The following SLC36A1 variants were observed in gnomAD, a reference collection of about 807,000 sequenced individuals.
SLC36A1 encodes the protein proton-coupled amino acid transporter 1.
SLC36A1 carries 30 observed loss-of-function variants against 47.5 expected under a neutral mutation model. The ratio of observed to expected loss-of-function variants is 0.63; its 90% CI spans 0.47 to 0.86. The LOEUF (loss-of-function observed/expected upper bound fraction) is 0.86. Ranked by LOEUF, SLC36A1 falls within the 40% of genes least tolerant of loss-of-function variation. The pLI is 0.00. For missense variants in SLC36A1, 517 were observed against 606.0 expected (o/e 0.85, Z 1.54); for synonymous variants, 255 against 249.7 (o/e 1.02, Z -0.20).
chr5:151,531,693 C>A, the SLC36A1 span: 1 of 1,613,876 alleles, frequency 6.2e-7, no homozygotes, highest in East Asian at 2.2e-5. The surrounding 1 kb of genome is among the most constrained non-coding windows in gnomAD (Gnocchi z 5.7). Flanking sequence ...GCAGCACCTC[C>A]GTGCCAGGTG....
At chr5:151,420,007 T>C in the SLC36A1 span, 1 of 152,224 alleles carries the variant, frequency 6.6e-6, no homozygotes, top group African/African-American at 2.4e-5. Context: ...AGCAGGATAC[T>C]TTGTTAGGTT....
At chr5:151,474,178 A>AAAAAAAAAAAAAAAAAAAAGAG (rs776318482) in intron 8 of SLC36A1, among the ~76,000 whole-genome samples, 11 of 119,016 alleles carry the variant, frequency 9.2e-5, no homozygotes, top group African/African-American at 4.0e-4. Flanking sequence ...AAAAAAAAAA[A>AAAAAAAAAAAAAAAAAAAAGAG]AGAAATTATC....
chr5:151,517,539 C>T, the SLC36A1 span: 2 of 1,544,832 alleles, frequency 1.3e-6, no homozygotes, highest in Non-Finnish European at 1.8e-6. Flanking sequence ...AAATGGGCTT[C>T]CTGACATTCC....
the SLC36A1 span, among the ~76,000 whole-genome samples, chr5:151,532,159 T>C: frequency 6.6e-6 from 1 of 152,164 alleles, no homozygotes; most frequent in Non-Finnish European, 1.5e-5. Flanking sequence ...ACCCAAGGCC[T>C]CACTAAAATG....
chr5:151,544,250 G>T, the SLC36A1 span: 3 of 1,614,174 alleles, frequency 1.9e-6, no homozygotes, highest in South Asian at 3.3e-5. Flanking sequence ...GCCAACAGTT[G>T]GATCACAGGG....
chr5:151,420,205 G>A, the SLC36A1 span, among the ~76,000 whole-genome samples: 1 of 152,142 alleles, frequency 6.6e-6, no homozygotes, highest in African/African-American at 2.4e-5. Context: ...GTATTGAATG[G>A]CTACTGAGTG....
chr5:151,521,340 G>A, the SLC36A1 span: 1 of 1,614,188 alleles, frequency 6.2e-7, no homozygotes, highest in Non-Finnish European at 8.5e-7. Flanking sequence ...TGGCGGTGCT[G>A]TACGTGGGCC....
At chr5:151,359,663 A>G in the SLC36A1 span, among the ~76,000 whole-genome samples, 2 of 152,182 alleles carry the variant, frequency 1.3e-5, no homozygotes, top group Non-Finnish European at 2.9e-5. Context: ...ATGCCACCCT[A>G]CCAGCCCTAG....
At chr5:151,442,632 ATCCTT>A (rs1752693562), upstream of SLC36A1, among the ~76,000 whole-genome samples, 1 of 152,002 alleles carries the variant, frequency 6.6e-6, no homozygotes, top group African/African-American at 2.4e-5. Context: ...ATCTCTCCCT[ATCCTT>A]TCCTTCCACC....
the SLC36A1 span, among the ~76,000 whole-genome samples, chr5:151,528,655 G>A: frequency 2.0e-5 from 3 of 152,162 alleles, no homozygotes; most frequent in African/African-American, 4.8e-5. Context: ...TGGAGCATAG[G>A]GTGCACCATA....
At chr5:151,552,110 C>T in the SLC36A1 span, among the ~76,000 whole-genome samples, 1 of 151,064 alleles carries the variant, frequency 6.6e-6, no homozygotes, top group Non-Finnish European at 1.5e-5. Flanking sequence ...TTCTTCTCTG[C>T]ATTCATTTGT....
chr5:151,476,531 T>C, intron 8 of SLC36A1, 59 bp from the exon 9 acceptor site: 2 of 1,308,594 alleles, frequency 1.5e-6, no homozygotes, highest in East Asian at 2.4e-5. Flanking sequence ...TTTTTTTTTC[T>C]TGGCCATTAA....
chr5:151,542,150 C>T, the SLC36A1 span: 5 of 748,706 alleles, frequency 6.7e-6, no homozygotes, highest in Admixed American at 2.7e-5. Flanking sequence ...AACTGAGGTC[C>T]TAGGGGGTTA....
At chr5:151,406,132 C>T in the SLC36A1 span, among the ~76,000 whole-genome samples, 5 of 152,178 alleles carry the variant, frequency 3.3e-5, no homozygotes, top group East Asian at 5.8e-4. Context: ...ACATGCATTT[C>T]CTTAGCCCCA....
At chr5:151,370,719 G>A in the SLC36A1 span, among the ~76,000 whole-genome samples, 27,863 of 152,086 alleles carry the variant, frequency 0.18, 2,869 homozygotes, top group East Asian at 0.41. Flanking sequence ...TAGGCTGGGC[G>A]CGGCAGCTCA....
the SLC36A1 span, among the ~76,000 whole-genome samples, chr5:151,424,870 G>C: frequency 1.3e-5 from 2 of 152,130 alleles, no homozygotes; most frequent in Non-Finnish European, 2.9e-5. Context: ...AAAGTTTTTA[G>C]GGGCAATGCA....
chr5:151,446,241 G>A (rs1249235954), upstream of SLC36A1, among the ~76,000 whole-genome samples: 2 of 152,014 alleles, frequency 1.3e-5, no homozygotes, highest in East Asian at 1.9e-4. Context: ...TGGTTGTTTC[G>A]AAGCATAGGA....
the SLC36A1 span, among the ~76,000 whole-genome samples, chr5:151,403,073 C>G: frequency 6.6e-6 from 1 of 151,788 alleles, no homozygotes; most frequent in Non-Finnish European, 1.5e-5. Flanking sequence ...GTTTCTGTTT[C>G]TCTAGTTCCT....
At chr5:151,540,375 G>A in the SLC36A1 span, among the ~76,000 whole-genome samples, 1 of 150,402 alleles carries the variant, frequency 6.6e-6, no homozygotes, top group African/African-American at 2.5e-5. Context: ...CTGTTCTCCT[G>A]CCCCTCAATC....
Sources: gnomAD v4.1 joint callset for allele counts (sites outside exome capture counted in the v4.1 genomes callset) on GRCh38, gnomAD v4.1.1 for gene constraint, Gnocchi (gnomAD v3.1) non-coding constraint, MANE v1.5 for transcripts, NCBI Gene and HGNC (gene_info 2026-07-23, HGNC 2026-07-21) for gene names.